Variants in MCC observed in about 807,000 individuals in gnomAD.
MCC encodes the protein MCC regulator of Wnt signaling pathway.
Under a neutral mutation model 116.2 loss-of-function variants are expected in MCC, and 90 were observed. The ratio of observed to expected loss-of-function variants is 0.77; its 90% CI spans 0.65 to 0.92. MCC has a LOEUF of 0.92. MCC is among the 40% of genes least tolerant of loss of function. MCC has a pLI of 0.00. For synonymous variants in MCC, 578 were observed against 510.5 expected (o/e 1.13, Z -1.78); for missense variants, 1,516 against 1,312.2 (o/e 1.16, Z -2.40).
chr5:113,297,329 C>A (rs894614672), intron 3 of MCC, among the ~76,000 whole-genome samples: 17 of 151,980 alleles, frequency 1.1e-4, no homozygotes, highest in African/African-American at 3.9e-4. Flanking sequence ...ATGGTAAAAC[C>A]CTGTCTCTAC....
rs1433949147 is a variant in MCC, at chr5:113,060,159, T to C, written c.2213+3825A>G. ...AGGAGCAGCTCTTTTTGTTTGTTTGTTTGTTTGTTTGTTTGAGACAGAGTC... is the reference window on the plus strand; with the variant it reads ...AGGAGCAGCTCTTTTTGTTTGTTTGCTTGTTTGTTTGTTTGAGACAGAGTC... On this transcript the variant is annotated intron_variant, in intron 14 of 18. Coordinates refer to ENST00000408903, the MANE Select transcript of MCC (RefSeq NM_001085377.2). 2.5e-4 allele frequency among the ~76,000 whole-genome samples: 38 copies of C among 152,196 alleles called. No individual in the cohort carries two copies. The East Asian group carries it at 2.5e-3, about 10-fold the overall frequency.
intron 1 of MCC, among the ~76,000 whole-genome samples, chr5:113,482,912 TG>T (rs1402644811): frequency 6.6e-6 from 1 of 152,228 alleles, no homozygotes; most frequent in African/African-American, 2.4e-5. Context: ...TGATACATTT[TG>T]AGGTAATTTT....
intron 3 of MCC, among the ~76,000 whole-genome samples, chr5:113,239,955 C>T (rs117731932): frequency 1.3e-5 from 2 of 152,318 alleles, no homozygotes; most frequent in East Asian, 3.9e-4. Flanking sequence ...GCTTTAGACA[C>T]AAATCTCATC....
intron 3 of MCC, among the ~76,000 whole-genome samples, chr5:113,289,517 C>T (rs1281038608): frequency 6.6e-6 from 1 of 151,964 alleles, no homozygotes; most frequent in Non-Finnish European, 1.5e-5. Context: ...TTTTGACCAA[C>T]AGAACACACA....
intron 3 of MCC, among the ~76,000 whole-genome samples, chr5:113,232,861 T>C (rs1032787218): frequency 7.9e-5 from 12 of 152,174 alleles, no homozygotes; most frequent in Non-Finnish European, 1.2e-4. Context: ...AGTTACTATG[T>C]GACCTGGGGC....
chr5:113,176,326 A>G (rs1323510031), intron 3 of MCC, among the ~76,000 whole-genome samples: 1 of 152,246 alleles, frequency 6.6e-6, no homozygotes, highest in Non-Finnish European at 1.5e-5. Context: ...TACAGAGAGG[A>G]GCTGTGTGCA....
Position 113,086,054 on chromosome 5 carries a change from C to A in MCC, c.1399-744G>T, listed in dbSNP as rs148191467. Among the ~76,000 whole-genome samples, 65 of 152,302 alleles carry A rather than the reference C, an allele frequency of 4.3e-4. No homozygotes were observed. In the East Asian group the frequency reaches 0.012, roughly 29 times the overall value. On this transcript the variant is annotated intron_variant, in intron 8 of 18. Coordinates refer to ENST00000408903, the MANE Select transcript of MCC (RefSeq NM_001085377.2). ...CCCACTTGCCTGACTGTGCTGGGGA[C>A]TGCGGACGAGGACCCAGGATGATAT...
intron 2 of MCC, among the ~76,000 whole-genome samples, chr5:113,383,063 A>C (rs1304572708): frequency 1.3e-5 from 2 of 152,248 alleles, no homozygotes; most frequent in African/African-American, 4.8e-5. Context: ...TGGTCAAACC[A>C]ATTAGATGTG....
At chr5:113,197,575 C>A (rs1762473876) in intron 3 of MCC, among the ~76,000 whole-genome samples, 1 of 152,176 alleles carries the variant, frequency 6.6e-6, no homozygotes, top group African/African-American at 2.4e-5. Flanking sequence ...GACAGCCAAT[C>A]TCTTTAATTT....
chr5:113,125,765 G>C (rs1758012726), intron 5 of MCC, among the ~76,000 whole-genome samples: 1 of 152,148 alleles, frequency 6.6e-6, no homozygotes, highest in African/African-American at 2.4e-5. Context: ...GCTCTGCACA[G>C]CCTAGAGGAT....
chr5:113,434,018 G>T lies in MCC; in HGVS notation c.171-48806C>A. ...CCACAGAGGGAGATCCCCGTGCCTTGGGCTGCATCCAGCAGTGGCTGAGGA... is the reference window on the plus strand; with the variant it reads ...CCACAGAGGGAGATCCCCGTGCCTTTGGCTGCATCCAGCAGTGGCTGAGGA... On this transcript the variant is annotated intron_variant, in intron 1 of 18. Transcript: ENST00000408903. The surrounding 1 kb of genome is among the most constrained non-coding windows in gnomAD (Gnocchi z 4.2). 3 of 1,614,016 alleles carry T rather than the reference G, an allele frequency of 1.9e-6. No homozygotes were observed. The highest frequency in any genetic ancestry group is 2.5e-6 in the Non-Finnish European group (3 of 1,179,884).
chr5:113,082,592 A>C (rs1483044064), intron 11 of MCC, among the ~76,000 whole-genome samples: 1 of 152,232 alleles, frequency 6.6e-6, no homozygotes, highest in Non-Finnish European at 1.5e-5. Flanking sequence ...AAGAATTTAA[A>C]ACGTTGACAG....
intron 3 of MCC, among the ~76,000 whole-genome samples, chr5:113,234,176 C>T (rs1342667258): frequency 6.6e-6 from 1 of 152,106 alleles, no homozygotes; most frequent in African/African-American, 2.4e-5. Context: ...CTAATCATTA[C>T]TTTGATGATA....
At chr5:113,184,348 T>C (rs1196377505) in intron 3 of MCC, among the ~76,000 whole-genome samples, 2 of 152,194 alleles carry the variant, frequency 1.3e-5, no homozygotes, top group Non-Finnish European at 2.9e-5. Context: ...GCATAACTTA[T>C]TTTTTCTGGT....
chr5:113,192,535 C>T (rs764563039), intron 3 of MCC, among the ~76,000 whole-genome samples: 4 of 152,194 alleles, frequency 2.6e-5, no homozygotes, highest in Non-Finnish European at 5.9e-5. Flanking sequence ...ATTAAAGACA[C>T]ACATGCATGG....
intron 3 of MCC, among the ~76,000 whole-genome samples, chr5:113,288,934 C>A (rs1766372568): frequency 6.6e-6 from 1 of 152,136 alleles, no homozygotes; most frequent in East Asian, 1.9e-4. Flanking sequence ...CTGGGAAGTG[C>A]TTAGAAAATG....
chr5:113,101,374 G>A (rs1756397662), intron 8 of MCC: 2 of 156,556 alleles, frequency 1.3e-5, no homozygotes, highest in Non-Finnish European at 2.7e-5. Context: ...AATTAAAAAG[G>A]TAAAATTCCA....
chr5:113,204,207 A>G (rs1581249514), intron 3 of MCC, among the ~76,000 whole-genome samples: 1 of 152,212 alleles, frequency 6.6e-6, no homozygotes, highest in South Asian at 2.1e-4. Flanking sequence ...GGCAAGAACA[A>G]GAAGGCCAAG....
In MCC at chr5:113,046,685, C is replaced by CAAAAAAAAAAAAAAA. The variant is rs151183145; in HGVS notation, c.2655+2393_2655+2407dup. Among the ~76,000 whole-genome samples the CAAAAAAAAAAAAAAA allele has an allele frequency of 2.5e-3, 145 of 58,384 alleles. 5 individuals carry two copies. The highest frequency in any genetic ancestry group is 0.014 in the Middle Eastern group (1 of 72). 38.3% of individuals were successfully genotyped at this position (58,384 alleles called of 152,430 possible). On this transcript the variant is annotated intron_variant, in intron 16 of 18. Coordinates refer to ENST00000408903, the MANE Select transcript of MCC (RefSeq NM_001085377.2). Reference sequence around the variant, plus strand: ...ACTGACTGCTAACAAACTCAAAAGGCAAAAAAAAAAAAAAAAAAAAAAAAA... The same window carrying CAAAAAAAAAAAAAAA: ...ACTGACTGCTAACAAACTCAAAAGGCAAAAAAAAAAAAAAAAAAAAAAAAAAAAAAAAAAAAAAAA...
Sources: allele counts gnomAD v4.1 joint callset (sites outside exome capture counted in the v4.1 genomes callset), GRCh38; gene constraint gnomAD v4.1.1; non-coding constraint Gnocchi (gnomAD v3.1); transcripts MANE v1.5; gene names NCBI Gene and HGNC (gene_info 2026-07-23, HGNC 2026-07-21).